CTNNA2: variants seen among roughly 807,000 people sequenced by gnomAD.
CTNNA2 encodes the protein catenin alpha 2.
In CTNNA2, 42 loss-of-function variants were observed where a neutral mutation model predicts 101.0. That is an observed-to-expected ratio of 0.42 (90% confidence interval 0.32 to 0.54). CTNNA2 has a LOEUF of 0.54. CTNNA2 is among the 20% of genes least tolerant of loss of function. CTNNA2 has a pLI of 0.14. For missense variants in CTNNA2, 871 were observed against 1,223.1 expected (o/e 0.71, Z 4.29); for synonymous variants, 450 against 456.4 (o/e 0.99, Z 0.18).
At chr2:79,312,926 TA>T (rs1322189077) in intron 3 of CTNNA2, 6 of 152,240 alleles carry the variant, frequency 3.9e-5, no homozygotes, top group African/African-American at 4.8e-5. Context: ...GCTGGCTGCT[TA>T]ACGCCCCGTA....
intron 3 of CTNNA2, among the ~76,000 whole-genome samples, chr2:79,812,617 G>A (rs111511393): frequency 1.3e-5 from 2 of 152,024 alleles, no homozygotes; most frequent in Non-Finnish European, 2.9e-5. Flanking sequence ...CTCTAACCTT[G>A]TCATTCTTCA....
At chr2:79,376,679 G>C (rs1024908452) in intron 4 of CTNNA2, among the ~76,000 whole-genome samples, 35 of 151,818 alleles carry the variant, frequency 2.3e-4, no homozygotes, top group African/African-American at 7.5e-4. Context: ...TGTTCCCCTT[G>C]CTGTGTCCAT....
intron 1 of CTNNA2, among the ~76,000 whole-genome samples, chr2:79,615,202 C>G (rs952786123): frequency 6.6e-6 from 1 of 151,988 alleles, no homozygotes; most frequent in African/African-American, 2.4e-5. Context: ...GAATATTTTT[C>G]TCTTAATAAA....
At chr2:80,301,220 T>A (rs978925593) in intron 7 of CTNNA2, among the ~76,000 whole-genome samples, 10 of 152,210 alleles carry the variant, frequency 6.6e-5, no homozygotes, top group Non-Finnish European at 1.3e-4. Flanking sequence ...TGTCACTGTT[T>A]GGGAGCCTAA....
At chr2:79,870,005 C>A (rs956873753) in intron 5 of CTNNA2, 70 bp downstream of exon 5, 7 of 1,550,742 alleles carry the variant, frequency 4.5e-6, no homozygotes, top group Admixed American at 3.6e-5. Context: ...CTTTTTAGGC[C>A]TGAACAATGG....
At chr2:79,204,521 G>T (rs1477870917) in intron 2 of CTNNA2, among the ~76,000 whole-genome samples, 2 of 152,150 alleles carry the variant, frequency 1.3e-5, no homozygotes, top group Admixed American at 6.6e-5. Context: ...TTAAAGAAAT[G>T]AATTTCCCAT....
At chr2:79,816,543 AG>A (rs1574044106) in intron 3 of CTNNA2, among the ~76,000 whole-genome samples, 2 of 152,198 alleles carry the variant, frequency 1.3e-5, no homozygotes, top group East Asian at 3.9e-4. Flanking sequence ...ATACAAGAAG[AG>A]CAGGAGCATA....
In CTNNA2 at chr2:80,249,993, G is replaced by A. The variant is rs77113127; in HGVS notation, c.1057-143218G>A. ...ACTTACATTTAACTGATTATGAGTC[G>A]AAAGAATTGAACCATGTTCCAGCCC... On this transcript the variant is annotated intron_variant, in intron 7 of 18. Transcript: ENST00000402739. Among the ~76,000 whole-genome samples the A allele has an allele frequency of 9.1e-3, 1,387 of 151,784 alleles. 22 individuals are homozygous for A. The highest frequency in any genetic ancestry group is 0.031 in the African/African-American group (1,282 of 41,336).
chr2:80,132,053 C>T (rs1322637515), intron 7 of CTNNA2, among the ~76,000 whole-genome samples: 3 of 152,118 alleles, frequency 2.0e-5, no homozygotes, highest in Non-Finnish European at 4.4e-5. Flanking sequence ...CGTACTCCAG[C>T]CTGGGTGACA....
chr2:80,121,771 G>A (rs60902177), intron 7 of CTNNA2, among the ~76,000 whole-genome samples: 4,470 of 152,148 alleles, frequency 0.029, 209 homozygotes, highest in African/African-American at 0.1. Flanking sequence ...AATCTAACCC[G>A]GATGAATCAA....
chr2:80,444,474 G>A (rs1422797438), intron 9 of CTNNA2, among the ~76,000 whole-genome samples: 1 of 152,086 alleles, frequency 6.6e-6, no homozygotes, highest in Non-Finnish European at 1.5e-5. Flanking sequence ...CTCAATATCA[G>A]CACCATTGAC....
chr2:79,679,046 T>C lies in CTNNA2; in HGVS notation c.102+27388T>C, dbSNP rs184150184. 2.0e-5 allele frequency among the ~76,000 whole-genome samples: 3 copies of C among 152,278 alleles called. No homozygotes were observed. The East Asian group carries it at 5.8e-4, about 29-fold the overall frequency. On this transcript the variant is annotated intron_variant, in intron 2 of 18. Coordinates refer to ENST00000402739, the MANE Select transcript of CTNNA2 (RefSeq NM_001282597.3). Reference sequence around the variant, plus strand: ...ATCTCTATATAACAATGTATACCCGTATGATCTACTTTACAGAAAATTAAG... The same window carrying C: ...ATCTCTATATAACAATGTATACCCGCATGATCTACTTTACAGAAAATTAAG...
chr2:79,545,803 TCAAA>T (rs1285770634), intron 1 of CTNNA2, among the ~76,000 whole-genome samples: 6 of 152,296 alleles, frequency 3.9e-5, no homozygotes, highest in African/African-American at 9.6e-5. Context: ...ATATAAGTAC[TCAAA>T]CAAGCTTAAA....
chr2:80,269,270 A>AAATGCTCACAAGATTGGATGGTTT, intron 7 of CTNNA2, among the ~76,000 whole-genome samples: 1 of 152,126 alleles, frequency 6.6e-6, no homozygotes, highest in Non-Finnish European at 1.5e-5. Flanking sequence ...TCGTGATAGT[A>AAATGCTCACAAGATTGGATGGTTT]AATGCTCACA....
intron 9 of CTNNA2, among the ~76,000 whole-genome samples, chr2:80,493,045 T>TTGGATAAG (rs1437209438): frequency 6.6e-6 from 1 of 152,032 alleles, no homozygotes. Context: ...TGAAAGAAGG[T>TTGGATAAG]TGGATAAGTG....
chr2:79,364,865 A>C, intron 3 of CTNNA2, among the ~76,000 whole-genome samples: 1 of 152,270 alleles, frequency 6.6e-6, no homozygotes, highest in East Asian at 1.9e-4. Flanking sequence ...CTTTTATTTA[A>C]ATTTTGTATA....
chr2:80,478,007 A>G (rs1374697315), intron 9 of CTNNA2, among the ~76,000 whole-genome samples: 1 of 152,090 alleles, frequency 6.6e-6, no homozygotes, highest in African/African-American at 2.4e-5. Context: ...TTACTTTCTC[A>G]TCAACAGTGT....
intron 3 of CTNNA2, among the ~76,000 whole-genome samples, chr2:79,794,999 A>G (rs1456952440): frequency 6.6e-6 from 1 of 152,162 alleles, no homozygotes; most frequent in Non-Finnish European, 1.5e-5. Flanking sequence ...TATATGTCTA[A>G]ATATTTTATG....
At chr2:80,028,279 A>G (rs995767751) in intron 7 of CTNNA2, 5 of 151,998 alleles carry the variant, frequency 3.3e-5, no homozygotes, top group Non-Finnish European at 1.5e-5. Context: ...GATTATCTCC[A>G]TGGGTTGCTT....
Sources: gnomAD v4.1 joint callset for allele counts (sites outside exome capture counted in the v4.1 genomes callset) on GRCh38, gnomAD v4.1.1 for gene constraint, MANE v1.5 for transcripts, NCBI Gene and HGNC (gene_info 2026-07-23, HGNC 2026-07-21) for gene names.